Variants in CFTR observed in about 807,000 individuals in gnomAD.
The protein encoded by CFTR is CF transmembrane conductance regulator.
In CFTR, 181 loss-of-function variants were observed where a neutral mutation model predicts 171.6. The observed-to-expected ratio is 1.05, with a 90% CI of 0.93 to 1.19. CFTR has a LOEUF of 1.19. CFTR is among the 50% of genes most tolerant of loss of function. The probability of loss-of-function intolerance (pLI) is 0.00; values close to 1 mark genes in which losing one functional copy is unlikely to be tolerated. For missense variants in CFTR, 1,968 were observed against 1,734.7 expected (o/e 1.13, Z -2.39); for synonymous variants, 583 against 608.0 (o/e 0.96, Z 0.60).
intron 9 of CFTR, among the ~76,000 whole-genome samples, chr7:117,545,076 A>T (rs1341622030): frequency 6.6e-6 from 1 of 152,198 alleles, no homozygotes; most frequent in Non-Finnish European, 1.5e-5. Flanking sequence ...GGTTTGAGGG[A>T]CTCACAGTTC....
intron 1 of CFTR, among the ~76,000 whole-genome samples, chr7:117,503,991 T>C (rs1342078717): frequency 1.3e-5 from 2 of 152,204 alleles, no homozygotes; most frequent in Non-Finnish European, 2.9e-5. Context: ...CAGTTTGTTT[T>C]TTCCCTGGGA....
intron 9 of CFTR, among the ~76,000 whole-genome samples, chr7:117,546,771 A>G (rs1041237719): frequency 1.3e-5 from 2 of 152,168 alleles, no homozygotes; most frequent in South Asian, 4.1e-4. Flanking sequence ...CACTCACACC[A>G]TTCCTGAGAT....
At chr7:117,480,501 C>G (rs1169509722) in intron 1 of CFTR, among the ~76,000 whole-genome samples, 1 of 152,282 alleles carries the variant, frequency 6.6e-6, no homozygotes, top group Middle Eastern at 3.4e-3. Context: ...CCCCTTCATG[C>G]CTTGGACACT....
intron 2 of CFTR, among the ~76,000 whole-genome samples, chr7:117,507,928 G>A (rs566453219): frequency 6.6e-6 from 1 of 152,314 alleles, no homozygotes; most frequent in Admixed American, 6.5e-5. Context: ...GGGACTACAG[G>A]CATGCACCAC....
rs397508482 is a variant in CFTR, at chr7:117,610,551, TG to T, written c.3022del (p.Val1008SerfsTer15). On this transcript the variant is annotated frameshift_variant, in exon 19 of 27. Transcript: ENST00000003084. LOFTEE classifies it high-confidence loss of function. Reference protein sequence around the residue: ...LLIVIGAIAVVAVLQPYIFVA... With the variant: ...LLIVIGAIAVXAVLQPYIFVA... ...TAATTGTGATTGGAGCTATAGCAGT[TG>T]TCGCAGTTTTACAACCCTACATCTT... is the stretch of plus-strand genomic sequence containing the variant. 2 of 1,613,616 alleles carry T rather than the reference TG, an allele frequency of 1.2e-6. No homozygotes were observed. Among genetic ancestry groups the T allele is most frequent in the Non-Finnish European group, 1.7e-6 (2 of 1,179,664 alleles).
intron 23 of CFTR, among the ~76,000 whole-genome samples, chr7:117,644,384 A>G (rs532730290): frequency 6.6e-6 from 1 of 152,188 alleles, no homozygotes; most frequent in Admixed American, 6.5e-5. Context: ...TGAAAGTTCA[A>G]ATTAAGTAAT....
chr7:117,518,061 G>A (rs952079907), intron 3 of CFTR, among the ~76,000 whole-genome samples: 5 of 150,554 alleles, frequency 3.3e-5, no homozygotes, highest in Admixed American at 6.7e-5. Context: ...TAGAGTTGTT[G>A]TGAGAATTAA....
chr7:117,556,110 G>A (rs79933425), intron 10 of CFTR, among the ~76,000 whole-genome samples: 1 of 152,004 alleles, frequency 6.6e-6, no homozygotes, highest in African/African-American at 2.4e-5. Flanking sequence ...CTGTCACCAG[G>A]CTGGAGCACA....
chr7:117,590,315 A>G, intron 12 of CFTR, 38 bp from the exon 13 acceptor site: 1 of 1,591,416 alleles, frequency 6.3e-7, no homozygotes, highest in Non-Finnish European at 8.6e-7. Context: ...ACCAGGAAAT[A>G]GAGAGGAAAT....
At position 117,664,871 on chromosome 7, in the gene CFTR, G is replaced by T. The variant is rs1160849233; in HGVS notation, c.4136+11G>T. 6.2e-7 allele frequency: 1 copy of T among 1,613,502 alleles called. No homozygotes were observed. Among genetic ancestry groups the T allele is most frequent in the Non-Finnish European group, 8.5e-7 (1 of 1,179,604 alleles). ...TCATTTGGATCCAGTGTGAGTTTCA[G>T]ATGTTCTGTTACTTAATAGCACAGT... On this transcript the variant is annotated intron_variant, in intron 25 of 26. Transcript: ENST00000003084.
chr7:117,632,959 C>A (rs1792771901), intron 22 of CFTR, among the ~76,000 whole-genome samples: 2 of 152,176 alleles, frequency 1.3e-5, no homozygotes, highest in South Asian at 4.1e-4. Context: ...AGTTATCTGA[C>A]TTTTTTCTTC....
intron 1 of CFTR, among the ~76,000 whole-genome samples, chr7:117,494,024 T>A (rs1305487161): frequency 6.6e-6 from 1 of 152,130 alleles, no homozygotes; most frequent in Non-Finnish European, 1.5e-5. Flanking sequence ...TTTTTATCTG[T>A]TTAGATGATT....
chr7:117,523,537 C>T (rs1798718512), intron 3 of CFTR, among the ~76,000 whole-genome samples: 1 of 152,024 alleles, frequency 6.6e-6, no homozygotes, highest in Non-Finnish European at 1.5e-5. Flanking sequence ...CCTCCACGCC[C>T]AGCTAAATTT....
intron 23 of CFTR, among the ~76,000 whole-genome samples, chr7:117,644,746 C>A (rs1347561783): frequency 6.6e-6 from 1 of 152,110 alleles, no homozygotes; most frequent in African/African-American, 2.4e-5. Flanking sequence ...AGCTAGACAG[C>A]AATCTTGGAG....
chr7:117,602,604 T>C (rs576534572), intron 15 of CFTR, among the ~76,000 whole-genome samples: 35 of 152,304 alleles, frequency 2.3e-4, no homozygotes, highest in Non-Finnish European at 4.7e-4. Flanking sequence ...TTCAGTGAAA[T>C]TTGAATTCCA....
chr7:117,501,977 T>C (rs1454397142), intron 1 of CFTR, among the ~76,000 whole-genome samples: 1 of 152,218 alleles, frequency 6.6e-6, no homozygotes, highest in African/African-American at 2.4e-5. Flanking sequence ...CTGTGTTCAA[T>C]GACTTTATAT....
intron 24 of CFTR, among the ~76,000 whole-genome samples, chr7:117,654,288 A>G (rs780695194): frequency 6.6e-6 from 1 of 152,094 alleles, no homozygotes; most frequent in Admixed American, 6.5e-5. Context: ...CTGGGCCTCT[A>G]CCTGGGCCCT....
intron 11 of CFTR, among the ~76,000 whole-genome samples, chr7:117,562,164 G>C (rs1482188837): frequency 6.6e-6 from 1 of 152,098 alleles, no homozygotes; most frequent in East Asian, 1.9e-4. Context: ...GTTAGAAATA[G>C]TATTTCTACT....
At chr7:117,626,069 T>G (rs1792644643) in intron 21 of CFTR, among the ~76,000 whole-genome samples, 1 of 152,140 alleles carries the variant, frequency 6.6e-6, no homozygotes, top group Non-Finnish European at 1.5e-5. Context: ...ATTATTTTCT[T>G]GAATCTTGAA....
Sources: gnomAD v4.1 joint callset for allele counts (sites outside exome capture counted in the v4.1 genomes callset) on GRCh38, gnomAD v4.1.1 for gene constraint, MANE v1.5 for transcripts, NCBI Gene and HGNC (gene_info 2026-07-23, HGNC 2026-07-21) for gene names.